The following ARHGAP32 variants were observed in gnomAD, a reference collection of about 807,000 sequenced individuals.
The protein encoded by ARHGAP32 is Rho GTPase activating protein 32.
A neutral mutation model predicts 186.5 loss-of-function variants in ARHGAP32; 51 were observed. The observed-to-expected ratio is 0.27, with a 90% confidence interval of 0.22 to 0.35. The LOEUF (loss-of-function observed/expected upper bound fraction) is 0.35, where lower values mean the gene tolerates loss of function less well. ARHGAP32 is among the 10% of genes least tolerant of loss of function. ARHGAP32 has a pLI of 1.00. For synonymous variants in ARHGAP32, 950 were observed against 964.3 expected (o/e 0.99, Z 0.27); for missense variants, 2,186 against 2,623.5 (o/e 0.83, Z 3.64).
chr11:129,251,262 G>C (rs911944795), intron 1 of ARHGAP32, among the ~76,000 whole-genome samples: 1 of 152,030 alleles, frequency 6.6e-6, no homozygotes, highest in Non-Finnish European at 1.5e-5. Flanking sequence ...AATGAAATAC[G>C]ATGTGCTCCA....
intron 1 of ARHGAP32, among the ~76,000 whole-genome samples, chr11:129,266,246 A>C (rs1004719984): frequency 2.6e-5 from 4 of 152,154 alleles, no homozygotes; most frequent in Non-Finnish European, 5.9e-5. Context: ...TAGATAAGTG[A>C]CTTAACCTGG....
chr11:129,121,076 G>A (rs1481870710), intron 5 of ARHGAP32, among the ~76,000 whole-genome samples: 1 of 152,002 alleles, frequency 6.6e-6, no homozygotes, highest in African/African-American at 2.4e-5. Flanking sequence ...TAAAAAGCAA[G>A]ATGTTTATAA....
intron 11 of ARHGAP32, among the ~76,000 whole-genome samples, chr11:129,012,335 A>G (rs77556219): frequency 1.3e-5 from 2 of 152,248 alleles, no homozygotes; most frequent in Non-Finnish European, 2.9e-5. Context: ...TGTAATGTCA[A>G]CTTTGACTTG....
At chr11:129,029,055 T>C (rs965302524) in intron 11 of ARHGAP32, among the ~76,000 whole-genome samples, 2 of 152,194 alleles carry the variant, frequency 1.3e-5, no homozygotes, top group Non-Finnish European at 1.5e-5. Context: ...ATTAAAAGAT[T>C]TTTTTAAATT....
At chr11:129,060,044 C>A (rs1940427106) in intron 10 of ARHGAP32, among the ~76,000 whole-genome samples, 1 of 152,100 alleles carries the variant, frequency 6.6e-6, no homozygotes, top group South Asian at 2.1e-4. Context: ...TTTGTTTTGG[C>A]AATAAACTGA....
chr11:129,198,617 G>A (rs771925103), intron 1 of ARHGAP32, among the ~76,000 whole-genome samples: 5 of 152,226 alleles, frequency 3.3e-5, no homozygotes, highest in East Asian at 1.9e-4. Context: ...ATCTTCTGCC[G>A]TGATTTTGAG....
intron 2 of ARHGAP32, among the ~76,000 whole-genome samples, chr11:129,160,480 C>T (rs181908019): frequency 6.3e-4 from 96 of 152,254 alleles, no homozygotes; most frequent in Admixed American, 1.9e-3. Context: ...AGAGCCAAAT[C>T]ATGAGTGAAC....
chr11:129,248,871 T>C (rs1945140418), intron 1 of ARHGAP32, among the ~76,000 whole-genome samples: 1 of 152,200 alleles, frequency 6.6e-6, no homozygotes. Flanking sequence ...ACTGTGTGCC[T>C]ATTGTGTCCC....
At chr11:129,245,851 T>C (rs1945087587) in intron 1 of ARHGAP32, among the ~76,000 whole-genome samples, 1 of 151,982 alleles carries the variant, frequency 6.6e-6, no homozygotes, top group Non-Finnish European at 1.5e-5. Context: ...TGTTTAGGGG[T>C]GGTTGTTGCT....
At chr11:129,185,785 A>C (rs1944147819) in intron 1 of ARHGAP32, among the ~76,000 whole-genome samples, 1 of 152,074 alleles carries the variant, frequency 6.6e-6, no homozygotes, top group African/African-American at 2.4e-5. Flanking sequence ...GTAGAGGAGA[A>C]GAGAGAACCA....
At chr11:129,062,988 T>A (rs1226814973) in intron 9 of ARHGAP32, among the ~76,000 whole-genome samples, 2 of 152,126 alleles carry the variant, frequency 1.3e-5, no homozygotes, top group Non-Finnish European at 2.9e-5. Flanking sequence ...TAAACTCATA[T>A]AAAATCATAA....
Position 128,981,861 on chromosome 11 carries a change from AT to A in ARHGAP32, c.1601del (p.Asn534IlefsTer2). ...YCSITNMHAK[N>X]LAIVWAPNLL... ...GGTTTGGAGCCCAAACAATTGCTAG[AT>A]TTTTTGCATGCATATTTGTGATGGA... On this transcript the variant is annotated frameshift_variant, in exon 16 of 23. Coordinates refer to ENST00000682385, the MANE Select transcript of ARHGAP32 (RefSeq NM_001378024.1). LOFTEE classifies it high-confidence loss of function. 2 of 1,613,332 alleles carry A rather than the reference AT, an allele frequency of 1.2e-6. No homozygotes were observed. The highest frequency in any genetic ancestry group is 3.3e-5 in the Admixed American group (2 of 59,900).
intron 1 of ARHGAP32, among the ~76,000 whole-genome samples, chr11:129,256,993 T>A (rs1046239552): frequency 2.0e-5 from 3 of 152,120 alleles, no homozygotes; most frequent in Non-Finnish European, 4.4e-5. Context: ...CTAAAAGGGC[T>A]TTCCCAAAAG....
At chr11:129,169,930 C>T (rs533268394) in intron 1 of ARHGAP32, among the ~76,000 whole-genome samples, 1 of 152,022 alleles carries the variant, frequency 6.6e-6, no homozygotes, top group South Asian at 2.1e-4. Flanking sequence ...CCAATCCATC[C>T]AATAAGGCCA....
At chr11:129,032,734 A>AT in intron 11 of ARHGAP32, among the ~76,000 whole-genome samples, 1 of 152,344 alleles carries the variant, frequency 6.6e-6, no homozygotes, top group East Asian at 1.9e-4. Flanking sequence ...TGGAAAAAAT[A>AT]TTTTTTAAAA....
At chr11:129,171,041 C>T (rs953555361) in intron 1 of ARHGAP32, among the ~76,000 whole-genome samples, 2 of 151,974 alleles carry the variant, frequency 1.3e-5, no homozygotes, top group East Asian at 1.9e-4. Context: ...TAAATATGTT[C>T]GAAGTTCCTT....
chr11:129,197,567 T>G (rs946895859), intron 1 of ARHGAP32, among the ~76,000 whole-genome samples: 1 of 152,142 alleles, frequency 6.6e-6, no homozygotes, highest in African/African-American at 2.4e-5. Flanking sequence ...CTCAGAAAAT[T>G]TTGTATTCTA....
chr11:129,244,905 T>C (rs1477215379), intron 1 of ARHGAP32, among the ~76,000 whole-genome samples: 1 of 150,964 alleles, frequency 6.6e-6, no homozygotes, highest in African/African-American at 2.4e-5. Context: ...TGAGATACCA[T>C]CTCACACCAG....
At chr11:129,013,345 GGT>G (rs1938182083) in intron 11 of ARHGAP32, among the ~76,000 whole-genome samples, 4 of 152,146 alleles carry the variant, frequency 2.6e-5, no homozygotes. Context: ...ATCTAAACTG[GGT>G]GTGTGAGTGG....
Sources: gnomAD v4.1 joint callset for allele counts (sites outside exome capture counted in the v4.1 genomes callset) on GRCh38, gnomAD v4.1.1 for gene constraint, MANE v1.5 for transcripts, NCBI Gene and HGNC (gene_info 2026-07-23, HGNC 2026-07-21) for gene names.